TUBB3: variants seen among roughly 807,000 people sequenced by gnomAD.
TUBB3 encodes the protein tubulin beta 3 class III.
Under a neutral mutation model 37.8 loss-of-function variants are expected in TUBB3, and 17 were observed. That is an observed-to-expected ratio of 0.45 (90% CI 0.31 to 0.67). The LOEUF is 0.67. Among genes scored for constraint, TUBB3 ranks in the 30% least tolerant of loss-of-function variants. TUBB3 has a pLI of 0.07. For missense variants in TUBB3, 262 were observed against 657.9 expected, an observed-to-expected ratio of 0.40 and a Z score of 6.58; for synonymous variants, 332 against 278.9, an observed-to-expected ratio of 1.19 and a Z score of -1.90.
rs781135980 is a variant in TUBB3 at position 89,923,414 on chromosome 16, G to T, written c.13G>T (p.Val5Leu). The change falls in exon 1 of 4, where the codon GTG becomes TTG. Residue 5 changes from valine (V) to leucine (L), a missense_variant. By Grantham distance (32) the Val-to-Leu change is conservative (BLOSUM62 1). Around this residue, in one of 3 missense-constraint regions of TUBB3, gnomAD observed 58 missense variants for 74.2 expected, o/e 0.78. Coordinates refer to ENST00000315491, the MANE Select transcript of TUBB3 (RefSeq NM_006086.4). ...AGACGCGCCCAGTATGAGGGAGATCGTGCACATCCAGGCCGGCCAGTGCGG... is the reference window on the plus strand; with the variant it reads ...AGACGCGCCCAGTATGAGGGAGATCTTGCACATCCAGGCCGGCCAGTGCGG... Reference protein sequence around the residue: MREIVHIQAGQCGNQ... With the variant: MREILHIQAGQCGNQ... The T allele has an allele frequency of 2.0e-6, 3 of 1,510,918 alleles. No individual in the cohort carries two copies. Among genetic ancestry groups the T allele is most frequent in the Non-Finnish European group, 2.7e-6 (3 of 1,129,150 alleles). 93.6% of individuals were successfully genotyped at this position (1,510,918 alleles called of 1,614,324 possible).
intron 1 of TUBB3, among the ~76,000 whole-genome samples, chr16:89,924,436 C>T (rs893361523): frequency 2.0e-5 from 3 of 148,170 alleles, no homozygotes; most frequent in Non-Finnish European, 4.4e-5. Flanking sequence ...AAGGATCTGC[C>T]CTCCGAACAG....
intron 1 of TUBB3, among the ~76,000 whole-genome samples, chr16:89,928,276 G>C (rs1845376042): frequency 6.6e-6 from 1 of 151,502 alleles, no homozygotes; most frequent in African/African-American, 2.4e-5. Flanking sequence ...GGCTGGTCTT[G>C]AACTCCTGGA....
At chr16:89,929,651 C>T (rs1476095543) in intron 1 of TUBB3, among the ~76,000 whole-genome samples, 2 of 152,206 alleles carry the variant, frequency 1.3e-5, no homozygotes, top group East Asian at 3.8e-4. Flanking sequence ...CACAGCCTTC[C>T]ACACATCTAC....
At chr16:89,929,736 C>G (rs548888956) in intron 1 of TUBB3, among the ~76,000 whole-genome samples, 15 of 152,270 alleles carry the variant, frequency 9.9e-5, no homozygotes, top group Admixed American at 2.0e-4. Context: ...GTGTTTCCTT[C>G]TGTTGCCCAG....
chr16:89,926,378 G>A (rs2030084997), intron 1 of TUBB3, among the ~76,000 whole-genome samples: 1 of 152,262 alleles, frequency 6.6e-6, no homozygotes. Context: ...CCGCATTCGG[G>A]TCCTGGAGGG....
upstream of TUBB3, among the ~76,000 whole-genome samples, chr16:89,922,950 C>T (rs1366437168): frequency 6.6e-6 from 1 of 152,236 alleles, no homozygotes; most frequent in Non-Finnish European, 1.5e-5. Context: ...GTCTCTAAAC[C>T]GGCGTGGGGA....
intron 1 of TUBB3, among the ~76,000 whole-genome samples, chr16:89,924,699 C>T (rs572277744): frequency 1.2e-4 from 18 of 152,122 alleles, no homozygotes; most frequent in Admixed American, 1.1e-3. Context: ...CGGGTGGAGG[C>T]GCCTCTGAGG....
chr16:89,935,372 C>T lies in TUBB3; in HGVS notation c.921C>T (p.His307=), dbSNP rs147283850. ...TGATGGCCGCCTGCGACCCGCGCCA[C>T]GGCCGCTACCTGACGGTGGCCACCG... is the stretch of plus-strand genomic sequence containing the variant. ...KNMMAACDPR[H]GRYLTVATVF... The change falls in exon 4 of 4, where the codon CAC becomes CAT. Residue 307 remains histidine (H), a synonymous_variant. Coordinates refer to ENST00000315491, the MANE Select transcript of TUBB3 (RefSeq NM_006086.4). 2,196 of 1,614,138 alleles carry T rather than the reference C, an allele frequency of 1.4e-3. No individual in the cohort carries two copies. Among genetic ancestry groups the T allele is most frequent in the Non-Finnish European group, 1.7e-3 (2,033 of 1,180,050 alleles).
At chr16:89,928,610 C>T (rs181703520) in intron 1 of TUBB3, among the ~76,000 whole-genome samples, 1,951 of 151,940 alleles carry the variant, frequency 0.013, 12 homozygotes, top group Middle Eastern at 0.027. Context: ...CTGCAAGCTC[C>T]GCCTCCCAGG....
rs12928839 is a variant in TUBB3 at position 89,932,781 on chromosome 16, C to A, written c.166+102C>A. 6.6e-4 allele frequency: 624 copies of A among 945,478 alleles called. 2 individuals carry two copies. The highest frequency in any genetic ancestry group is 2.5e-3 in the Middle Eastern group (12 of 4,822). 58.6% of individuals were successfully genotyped at this position (945,478 alleles called of 1,614,324 possible). On this transcript the variant is annotated intron_variant, in intron 2 of 3. Coordinates refer to ENST00000315491, the MANE Select transcript of TUBB3 (RefSeq NM_006086.4). ...ACCTGGACTCACCAGCTCTCAGCAT[C>A]TCTGTCCTCCCATGGGTTAGGTTGG...
chr16:89,927,929 C>G (rs765721491), intron 1 of TUBB3, among the ~76,000 whole-genome samples: 1 of 152,136 alleles, frequency 6.6e-6, no homozygotes, highest in Non-Finnish European at 1.5e-5. Flanking sequence ...TTGGGGTGTC[C>G]CAGTGCTTTG....
chr16:89,932,829 T>C, intron 2 of TUBB3, 150 bp downstream of exon 2: 1 of 689,696 alleles, frequency 1.4e-6, no homozygotes, highest in Non-Finnish European at 2.6e-6. Flanking sequence ...CAGGCGTAAC[T>C]GGATGTCAGG....
intron 1 of TUBB3, among the ~76,000 whole-genome samples, chr16:89,927,744 C>T (rs2030136756): frequency 6.6e-6 from 1 of 152,248 alleles, no homozygotes. Context: ...AAAACAGGTC[C>T]TGCGAGGCAC....
At chr16:89,934,461 C>A in intron 3 of TUBB3, 1 of 619,008 alleles carries the variant, frequency 1.6e-6, no homozygotes, top group Non-Finnish European at 3.0e-6. Flanking sequence ...TCCATTCACC[C>A]AGGATCCCCT....
At chr16:89,926,419 A>C (rs1410996814) in intron 1 of TUBB3, among the ~76,000 whole-genome samples, 2 of 152,180 alleles carry the variant, frequency 1.3e-5, no homozygotes, top group Non-Finnish European at 2.9e-5. Context: ...CAGCCCCTTC[A>C]TCGGGGACCC....
At chr16:89,922,962 A>T (rs1285581521), upstream of TUBB3, among the ~76,000 whole-genome samples, 3 of 152,364 alleles carry the variant, frequency 2.0e-5, no homozygotes, top group East Asian at 5.8e-4. Context: ...GCGTGGGGAA[A>T]AAAGACCCTC....
intron 2 of TUBB3, chr16:89,933,061 T>C (rs1420002301): frequency 2.1e-6 from 1 of 467,684 alleles, no homozygotes; most frequent in African/African-American, 2.0e-5. Flanking sequence ...AAAGTGGTGA[T>C]ACACCCACCT....
chr16:89,926,350 C>G (rs2030083600), intron 1 of TUBB3, among the ~76,000 whole-genome samples: 2 of 152,130 alleles, frequency 1.3e-5, no homozygotes, highest in Admixed American at 1.3e-4. Context: ...ACCTGCGGAG[C>G]CGCGGGCCGG....
chr16:89,926,397 GCCCCAGTCTCGCAGCCCCTTCATCGGGGA>G (rs1567761432), intron 1 of TUBB3, among the ~76,000 whole-genome samples: 2 of 152,246 alleles, frequency 1.3e-5, no homozygotes, highest in Admixed American at 6.5e-5. Flanking sequence ...GGGCTTGGAG[GCCCCAGTCTCGCAGCCCCTTCATCGGGGA>G]CCCCCGCTCC....
Sources: gnomAD v4.1 joint callset for allele counts (sites outside exome capture counted in the v4.1 genomes callset) on GRCh38, gnomAD v4.1.1 for gene constraint, gnomAD v4.1.1 regional missense constraint, MANE v1.5 for transcripts, NCBI Gene and HGNC (gene_info 2026-07-23, HGNC 2026-07-21) for gene names.